CUL2: variants seen among roughly 807,000 people sequenced by gnomAD.
CUL2 encodes cullin 2, also known as cullin-2.
In CUL2, 22 loss-of-function variants were observed where a neutral mutation model predicts 110.2. The ratio of observed to expected loss-of-function variants is 0.20; its 90% CI spans 0.14 to 0.28. CUL2 has a LOEUF of 0.28. Among genes scored for constraint, CUL2 ranks in the 10% least tolerant of loss-of-function variants. CUL2 has a pLI of 1.00. For synonymous variants in CUL2, 279 were observed against 293.2 expected (o/e 0.95, Z 0.49); for missense variants, 631 against 905.5 (o/e 0.70, Z 3.89).
At chr10:35,074,101 G>C in intron 1 of CUL2, 1 of 1,222,514 alleles carries the variant, frequency 8.2e-7, no homozygotes, top group Non-Finnish European at 1.2e-6. Context: ...ACCATTCCAA[G>C]CTCTGAGGAT....
chr10:35,080,770 G>GT (rs1444261224), intron 1 of CUL2, among the ~76,000 whole-genome samples: 1 of 152,120 alleles, frequency 6.6e-6, no homozygotes, highest in African/African-American at 2.4e-5. Context: ...TTTCTAGTAG[G>GT]TTTTTTACAA....
chr10:35,097,878 G>A (rs541029203), intron 2 of CUL2: 1 of 152,202 alleles, frequency 6.6e-6, no homozygotes, highest in East Asian at 1.9e-4. Flanking sequence ...AGAATCACTT[G>A]AGCCCAGGAG....
At chr10:35,105,697 G>T (rs1376065448) in intron 1 of CUL2, among the ~76,000 whole-genome samples, 8 of 147,414 alleles carry the variant, frequency 5.4e-5, no homozygotes, top group African/African-American at 2.0e-4. Flanking sequence ...GACAGAGCGA[G>T]ACTCTGTCTC....
intron 1 of CUL2, 50 bp from the exon 2 acceptor site, chr10:35,071,389 GTTTT>G (rs753007772): frequency 1.3e-6 from 2 of 1,505,230 alleles, no homozygotes; most frequent in Non-Finnish European, 1.8e-6. Context: ...CATGAGCTTA[GTTTT>G]TTTGTTGTTG....
intron 1 of CUL2, chr10:35,089,871 T>C (rs1286781485): frequency 2.0e-5 from 3 of 151,800 alleles, no homozygotes; most frequent in South Asian, 2.1e-4. Context: ...CACGTAAATA[T>C]GTAGAAGAAT....
intron 6 of CUL2, among the ~76,000 whole-genome samples, chr10:35,045,840 T>C (rs1410299029): frequency 1.3e-5 from 2 of 152,260 alleles, no homozygotes; most frequent in African/African-American, 2.4e-5. Context: ...CAAACCATTA[T>C]GGTTTACCTC....
chr10:35,033,932 G>A (rs1396804757), intron 10 of CUL2, among the ~76,000 whole-genome samples: 1 of 152,112 alleles, frequency 6.6e-6, no homozygotes, highest in Non-Finnish European at 1.5e-5. Flanking sequence ...TTTCATAGAG[G>A]CTTAAATAAG....
intron 1 of CUL2, among the ~76,000 whole-genome samples, chr10:35,086,423 G>A (rs1052295142): frequency 6.6e-6 from 1 of 152,052 alleles, no homozygotes; most frequent in South Asian, 2.1e-4. Flanking sequence ...TAGCAGCTGG[G>A]ATTACAGGCC....
At chr10:35,099,284 G>A (rs1343819385) in intron 2 of CUL2, among the ~76,000 whole-genome samples, 4 of 151,788 alleles carry the variant, frequency 2.6e-5, no homozygotes, top group African/African-American at 4.8e-5. Context: ...CCAGCTACTC[G>A]GGAGACTGAG....
At chr10:35,054,602 G>C (rs377017634) in intron 4 of CUL2, 63 bp from the exon 5 acceptor site, 22 of 791,282 alleles carry the variant, frequency 2.8e-5, no homozygotes, top group East Asian at 2.4e-4. Flanking sequence ...CAAATGACTT[G>C]CAACTTTAGA....
intron 1 of CUL2, among the ~76,000 whole-genome samples, chr10:35,124,031 T>A (rs1219756353): frequency 2.0e-5 from 3 of 152,076 alleles, no homozygotes; most frequent in African/African-American, 7.2e-5. Context: ...GGAGGGAGAC[T>A]ATGTTAAGAA....
At chr10:35,046,847 C>G (rs1265781960) in intron 6 of CUL2, among the ~76,000 whole-genome samples, 1 of 151,982 alleles carries the variant, frequency 6.6e-6, no homozygotes, top group African/African-American at 2.4e-5. Flanking sequence ...GAGCCAAGAT[C>G]GTGCCACGGC....
rs191763581 is a variant in CUL2, at chr10:35,048,467, A to G, written c.506+1216T>C. Among the ~76,000 whole-genome samples the G allele has an allele frequency of 5.9e-5, 9 of 152,370 alleles. No homozygotes were observed. In the East Asian group the frequency reaches 1.5e-3, roughly 26 times the overall value. ...TTGGGACAAAATTATATTAAAAAAG[A>G]TATTTCACAAAAGTACATTTAGAAA... is the stretch of plus-strand genomic sequence containing the variant. On this transcript the variant is annotated intron_variant, in intron 6 of 20. Transcript: ENST00000374749.
chr10:35,087,323 T>A (rs1001924751), intron 1 of CUL2, among the ~76,000 whole-genome samples: 1 of 152,234 alleles, frequency 6.6e-6, no homozygotes, highest in Non-Finnish European at 1.5e-5. Flanking sequence ...AAAACATTAG[T>A]ATACCAATAA....
intron 6 of CUL2, among the ~76,000 whole-genome samples, chr10:35,045,101 CTGAT>C (rs1250145910): frequency 1.3e-5 from 2 of 152,016 alleles, no homozygotes; most frequent in African/African-American, 4.8e-5. Context: ...AAAAAGAAAA[CTGAT>C]TGTAAAGTTC....
chr10:35,117,113 G>A (rs1174552758), intron 1 of CUL2, among the ~76,000 whole-genome samples: 1 of 152,092 alleles, frequency 6.6e-6, no homozygotes, highest in African/African-American at 2.4e-5. Flanking sequence ...GAGTTCCCAG[G>A]ACAAAAAACT....
chr10:35,012,478 C>G (rs901547546), intron 19 of CUL2, among the ~76,000 whole-genome samples: 1 of 151,962 alleles, frequency 6.6e-6, no homozygotes. Context: ...GATCAGGCTT[C>G]AAAGGGAAGA....
chr10:35,062,568 G>A (rs148008291), intron 3 of CUL2, among the ~76,000 whole-genome samples: 287 of 151,912 alleles, frequency 1.9e-3, no homozygotes, highest in African/African-American at 6.6e-3. Flanking sequence ...TTTTTAAAAT[G>A]CTGATTAAGA....
chr10:35,020,147 A>G (rs1368821393), intron 17 of CUL2, among the ~76,000 whole-genome samples: 2 of 151,182 alleles, frequency 1.3e-5, no homozygotes, highest in Non-Finnish European at 3.0e-5. Context: ...CAGAACATAC[A>G]AGGAATAGAA....
Sources: gnomAD v4.1 joint callset for allele counts (sites outside exome capture counted in the v4.1 genomes callset) on GRCh38, gnomAD v4.1.1 for gene constraint, MANE v1.5 for transcripts, NCBI Gene and HGNC (gene_info 2026-07-23, HGNC 2026-07-21) for gene names.